TBL1Y: variants seen among roughly 807,000 people sequenced by gnomAD.
TBL1Y encodes transducin beta like 1 Y-linked.
In TBL1Y, 15 loss-of-function variants were observed where a neutral mutation model predicts 12.0. The observed-to-expected ratio is 1.25, with a 90% CI of 0.83 to 1.92. The LOEUF (loss-of-function observed/expected upper bound fraction) is 1.92, where lower values mean the gene tolerates loss of function less well. Among genes scored for constraint, TBL1Y ranks in the 40% most tolerant of loss-of-function variants. The probability of loss-of-function intolerance (pLI) is 0.00; values close to 1 mark genes in which losing one functional copy is unlikely to be tolerated. For synonymous variants in TBL1Y, 53 were observed against 42.6 expected (o/e 1.24, Z -0.95); for missense variants, 148 against 116.7 (o/e 1.27, Z -1.24).
chrY:7,063,097 C>A (rs2012897275), intron 7 of TBL1Y, among the ~76,000 whole-genome samples: 1 of 33,209 alleles, frequency 3.0e-5, no homozygotes, highest in African/African-American at 1.2e-4. Flanking sequence ...ACCCCTGAGA[C>A]CGCCACAAGG....
chrY:7,063,539 A>ATGGAGTAGGTAATCGGAATGAGTCAGGG (rs2012910959), intron 7 of TBL1Y, among the ~76,000 whole-genome samples: 4 of 32,351 alleles, frequency 1.2e-4, no homozygotes, highest in Non-Finnish European at 3.0e-4. Flanking sequence ...ATGAGTCAGG[A>ATGGAGTAGGTAATCGGAATGAGTCAGGG]TGGAGTAGGT....
chrY:6,924,371 G>C (rs2011808302), intron 2 of TBL1Y, among the ~76,000 whole-genome samples: 1 of 31,923 alleles, frequency 3.1e-5, no homozygotes, highest in Admixed American at 2.9e-4. Context: ...GGCGGATCAC[G>C]AGGTCAGGAG....
chrY:6,948,367 ATATAAT>A (rs2011998738), intron 2 of TBL1Y, among the ~76,000 whole-genome samples: 1 of 31,184 alleles, frequency 3.2e-5, no homozygotes, highest in Non-Finnish European at 7.7e-5. Context: ...AAACAATATG[ATATAAT>A]TATAAGAGTT....
Position 6,913,743 on chromosome Y carries a change from T to A in TBL1Y, c.-266+1571T>A, listed in dbSNP as rs780304209. ...ACTGGGAAACAAAAGATCTATAAAT[T>A]GTACACACACAGGAGACTCTACATT... On this transcript the variant is annotated intron_variant, in intron 2 of 18. Coordinates refer to ENST00000383032, the MANE Select transcript of TBL1Y (RefSeq NM_033284.2). Among the ~76,000 whole-genome samples, 4 of 31,844 alleles carry A rather than the reference T, an allele frequency of 1.3e-4. No individual in the cohort carries two copies. In the South Asian group the frequency reaches 3.0e-3, roughly 24 times the overall value. The allele number at this position is 31,844 out of a possible 37,273, so 85.4% of individuals were successfully genotyped here.
At chrY:6,976,854 C>A (rs2012245555) in intron 2 of TBL1Y, among the ~76,000 whole-genome samples, 1 of 33,438 alleles carries the variant, frequency 3.0e-5, no homozygotes, top group African/African-American at 1.2e-4. Context: ...CCCCGCAGTC[C>A]TTCTGGCCCA....
rs1326320677 is a variant in TBL1Y, at chrY:7,070,786, C to T, written c.657C>T (p.Leu219=). 5.1e-6 allele frequency: 2 copies of T among 395,409 alleles called. No individual in the cohort carries two copies. The highest frequency in any genetic ancestry group is 7.7e-5 in the Admixed American group (1 of 12,989). Residue 219 remains leucine, a synonymous_variant, in exon 10 of 19, where the codon CTC becomes CTT. Transcript: ENST00000383032. ...NENSNGGSTQ[L]VLRHCIREGG... ...ATAGCAACGGGGGCTCCACCCAGCT[C>T]GTGTTGAGACATTGTATACGAGAAG... is the stretch of plus-strand genomic sequence containing the variant.
intron 8 of TBL1Y, among the ~76,000 whole-genome samples, chrY:7,069,124 A>G: frequency 3.1e-5 from 1 of 32,661 alleles, no homozygotes; most frequent in Non-Finnish European, 7.4e-5. Flanking sequence ...GATGAAGGAC[A>G]TAACGAAACA....
intron 2 of TBL1Y, among the ~76,000 whole-genome samples, chrY:6,945,790 T>C: frequency 3.0e-5 from 1 of 33,534 alleles, no homozygotes; most frequent in Non-Finnish European, 7.4e-5. Flanking sequence ...TGGGATTTAT[T>C]GGGATTCTTG....
At chrY:7,066,771 A>G (rs751318935) in intron 8 of TBL1Y, among the ~76,000 whole-genome samples, 57 of 30,430 alleles carry the variant, frequency 1.9e-3, no homozygotes, top group South Asian at 5.6e-3. Context: ...GGAGTTCAAG[A>G]CCAGACTGGG....
intron 3 of TBL1Y, among the ~76,000 whole-genome samples, chrY:6,994,042 T>C: frequency 9.1e-5 from 3 of 32,914 alleles, no homozygotes; most frequent in Non-Finnish European, 1.5e-4. Flanking sequence ...CTTTTGGAAA[T>C]GTAAGGAAAG....
rs757669328 is a variant in TBL1Y, at chrY:7,063,091, C to G, written c.205-806C>G. On this transcript the variant is annotated intron_variant, in intron 7 of 18. Coordinates refer to ENST00000383032, the MANE Select transcript of TBL1Y (RefSeq NM_033284.2). ...CAGGGTGGGTTCTGATTTTTCACCC[C>G]TGAGACCGCCACAAGGGGTGGGGCA... is the stretch of plus-strand genomic sequence containing the variant. Among the ~76,000 whole-genome samples, 201 of 33,079 alleles carry G rather than the reference C, an allele frequency of 6.1e-3. No individual in the cohort carries two copies. In the East Asian group the frequency reaches 0.15, roughly 24 times the overall value. The allele number at this position is 33,079 out of a possible 37,273, so 88.7% of individuals were successfully genotyped here.
intron 6 of TBL1Y, among the ~76,000 whole-genome samples, chrY:7,041,921 C>A: frequency 3.1e-5 from 1 of 32,093 alleles, no homozygotes; most frequent in Non-Finnish European, 7.6e-5. Flanking sequence ...CCCCCGCCCC[C>A]CAACAGCTTC....
intron 7 of TBL1Y, among the ~76,000 whole-genome samples, chrY:7,063,037 G>C: frequency 3.1e-5 from 1 of 32,434 alleles, no homozygotes; most frequent in Non-Finnish European, 7.5e-5. Flanking sequence ...TTTCCCGCGT[G>C]TTGCTGAGCG....
chrY:6,982,121 C>T (rs2012288523), intron 3 of TBL1Y, among the ~76,000 whole-genome samples: 1 of 32,757 alleles, frequency 3.1e-5, no homozygotes, highest in Admixed American at 2.8e-4. Flanking sequence ...TATCGAAAAT[C>T]GATTTCTTAA....
At chrY:7,049,804 G>A in intron 7 of TBL1Y, among the ~76,000 whole-genome samples, 2 of 33,413 alleles carry the variant, frequency 6.0e-5, no homozygotes, top group African/African-American at 2.3e-4. Context: ...AACCCATTCT[G>A]TAGGTTGCCT....
At chrY:7,027,371 A>G in intron 6 of TBL1Y, among the ~76,000 whole-genome samples, 1 of 33,770 alleles carries the variant, frequency 3.0e-5, no homozygotes, top group Non-Finnish European at 7.3e-5. Context: ...CAGCCTATCA[A>G]TGTTTCCCTT....
chrY:6,970,998 G>T (rs979626329), intron 2 of TBL1Y, among the ~76,000 whole-genome samples: 5 of 34,131 alleles, frequency 1.5e-4, no homozygotes, highest in African/African-American at 5.7e-4. Context: ...CTGGAAAGAA[G>T]TCTGAATTCC....
chrY:7,071,634 C>T lies in TBL1Y; in HGVS notation c.796+11C>T, dbSNP rs989183770. 2.6e-6 allele frequency: 1 copy of T among 391,258 alleles called. No individual in the cohort carries two copies. The highest frequency in any genetic ancestry group is 6.5e-5 in the African/African-American group (1 of 15,346). ...TATGGACAGAAAATGGTAAGTCCTG[C>T]ACCCCTCCTGCATGGGTCAGGTAAG... On this transcript the variant is annotated intron_variant, in intron 11 of 18. Transcript: ENST00000383032.
At chrY:7,064,930 G>T in intron 8 of TBL1Y, among the ~76,000 whole-genome samples, 1 of 33,231 alleles carries the variant, frequency 3.0e-5, no homozygotes, top group Admixed American at 2.8e-4. Flanking sequence ...GTCTGCTTTG[G>T]GTCAATGAAA....
Sources: allele counts gnomAD v4.1 joint callset (sites outside exome capture counted in the v4.1 genomes callset), GRCh38; gene constraint gnomAD v4.1.1; transcripts MANE v1.5; gene names NCBI Gene and HGNC (gene_info 2026-07-23, HGNC 2026-07-21).